The following CHST9 variants were observed in gnomAD, a reference collection of about 807,000 sequenced individuals.
CHST9 encodes carbohydrate sulfotransferase 9.
In CHST9, 41 loss-of-function variants were observed where a neutral mutation model predicts 44.4. The observed-to-expected ratio is 0.92, with a 90% CI of 0.72 to 1.20. CHST9 has a LOEUF of 1.20. Ranked by LOEUF, CHST9 falls within the 50% of genes most tolerant of loss-of-function variation. CHST9 has a pLI of 0.00. For missense variants in CHST9, 504 were observed against 516.5 expected, an observed-to-expected ratio of 0.98 and a Z score of 0.23; for synonymous variants, 171 against 178.4, an observed-to-expected ratio of 0.96 and a Z score of 0.33.
intron 2 of CHST9, among the ~76,000 whole-genome samples, chr18:27,073,283 A>G (rs2057861526): frequency 6.6e-6 from 1 of 151,690 alleles, no homozygotes; most frequent in African/African-American, 2.4e-5. Context: ...ATCCTGTTGG[A>G]ATGCTGGCCT....
chr18:26,938,108 T>C (rs1367981808), intron 5 of CHST9, among the ~76,000 whole-genome samples: 1 of 152,198 alleles, frequency 6.6e-6, no homozygotes, highest in Non-Finnish European at 1.5e-5. Context: ...GTGGTCATGC[T>C]TTTAAAACAT....
intron 4 of CHST9, among the ~76,000 whole-genome samples, chr18:27,018,198 T>C (rs1311823525): frequency 1.3e-5 from 2 of 152,162 alleles, no homozygotes; most frequent in Non-Finnish European, 1.5e-5. Context: ...TTGAGTGTTG[T>C]CATGATGGAA....
At chr18:27,154,377 G>A (rs1166986019) in intron 1 of CHST9, among the ~76,000 whole-genome samples, 4 of 152,018 alleles carry the variant, frequency 2.6e-5, no homozygotes, top group African/African-American at 9.7e-5. Context: ...GAGGTAAGAG[G>A]TATGGGTGGA....
intron 4 of CHST9, among the ~76,000 whole-genome samples, chr18:26,978,599 G>A (rs1469782066): frequency 6.6e-6 from 1 of 152,146 alleles, no homozygotes; most frequent in Non-Finnish European, 1.5e-5. Flanking sequence ...GTGATGCAGA[G>A]GGATAAACAC....
chr18:27,075,424 C>T (rs771491100), intron 2 of CHST9, among the ~76,000 whole-genome samples: 1 of 152,154 alleles, frequency 6.6e-6, no homozygotes, highest in Non-Finnish European at 1.5e-5. Context: ...AAATTCTAGG[C>T]TGCCAACTGG....
chr18:27,052,268 G>GCA, intron 2 of CHST9, among the ~76,000 whole-genome samples: 1 of 122,868 alleles, frequency 8.1e-6, no homozygotes, highest in Admixed American at 8.1e-5. Flanking sequence ...ATATATATGT[G>GCA]TATATATATG....
intron 5 of CHST9, among the ~76,000 whole-genome samples, chr18:26,919,732 C>T (rs1327920969): frequency 6.6e-6 from 1 of 152,088 alleles, no homozygotes; most frequent in Admixed American, 6.6e-5. Flanking sequence ...CCTGTGGCCT[C>T]TGGACTTTCT....
At position 26,909,578 on chromosome 18, in the gene CHST9, G is replaced by A. The variant is rs1598541725; in HGVS notation, c.*6681C>T. On this transcript the variant is annotated 3_prime_UTR_variant, in exon 6 of 6. Transcript: ENST00000618847. ...GTTGGTAGACACTCTAGCATTCTGA[G>A]TGCATTTTTATTTATTATATAGTAC... is the stretch of plus-strand genomic sequence containing the variant. 4 of 152,126 alleles carry A rather than the reference G, an allele frequency of 2.6e-5. No individual in the cohort carries two copies. In the East Asian group the frequency reaches 7.7e-4, roughly 29 times the overall value. 9.4% of individuals were successfully genotyped at this position (152,126 alleles called of 1,614,324 possible).
intron 3 of CHST9, among the ~76,000 whole-genome samples, chr18:27,030,608 G>A (rs906357614): frequency 3.9e-5 from 6 of 152,322 alleles, no homozygotes; most frequent in African/African-American, 9.6e-5. Flanking sequence ...GTGCACTGCC[G>A]GCTGCCGGGT....
At chr18:26,931,554 T>G (rs1023413202) in intron 5 of CHST9, among the ~76,000 whole-genome samples, 1 of 152,370 alleles carries the variant, frequency 6.6e-6, no homozygotes. Context: ...CTGTGACTCA[T>G]GACCATATTT....
chr18:26,950,083 T>C (rs1163101603), intron 4 of CHST9, among the ~76,000 whole-genome samples: 2 of 152,176 alleles, frequency 1.3e-5, no homozygotes, highest in Non-Finnish European at 2.9e-5. Flanking sequence ...GAGTTTTTGG[T>C]GATTTGTTAC....
In CHST9 at chr18:26,917,360, TAAA is replaced by T; in HGVS notation, c.241-13_241-11del. On this transcript the variant is annotated splice_polypyrimidine_tract_variant and intron_variant, in intron 5 of 5. Transcript: ENST00000618847. ...TGTGAAACTTGGGGTTCTGTTAAAA[TAAA>T]GAAGGAGAAATGTTGAAAGCACAGT... is the stretch of plus-strand genomic sequence containing the variant. The T allele has an allele frequency of 6.2e-7, 1 of 1,603,678 alleles. No homozygotes were observed. Among genetic ancestry groups the T allele is most frequent in the African/African-American group, 1.3e-5 (1 of 74,420 alleles).
chr18:27,172,131 T>A (rs936173388), intron 1 of CHST9, among the ~76,000 whole-genome samples: 1 of 152,154 alleles, frequency 6.6e-6, no homozygotes, highest in Non-Finnish European at 1.5e-5. Context: ...TATTTGTATA[T>A]TCAATAAACT....
At chr18:27,070,174 C>A (rs908596253) in intron 2 of CHST9, among the ~76,000 whole-genome samples, 1 of 152,090 alleles carries the variant, frequency 6.6e-6, no homozygotes, top group African/African-American at 2.4e-5. Flanking sequence ...ACTATCTGCC[C>A]TAAGTTTGAC....
intron 2 of CHST9, among the ~76,000 whole-genome samples, chr18:27,114,604 G>T (rs2058303701): frequency 6.6e-6 from 1 of 152,172 alleles, no homozygotes. Flanking sequence ...GAACTCTATA[G>T]ATATTAGCAG....
Position 26,907,130 on chromosome 18 carries a change from CAGG to C in CHST9, c.*9126_*9128del, listed in dbSNP as rs1568083508. 2.6e-5 allele frequency: 4 copies of C among 152,310 alleles called. No individual in the cohort carries two copies. Among genetic ancestry groups the C allele is most frequent in the African/African-American group, 9.7e-5 (4 of 41,424 alleles). The allele number at this position is 152,310 out of a possible 1,614,324, so 9.4% of individuals were successfully genotyped here. On this transcript the variant is annotated 3_prime_UTR_variant, in exon 6 of 6. Coordinates refer to ENST00000618847, the MANE Select transcript of CHST9 (RefSeq NM_031422.6). ...TTCAAGATTATCGTAGAGTTGTAGA[CAGG>C]AGAAGGTGAGAGTCTGAACTTAGAT...
chr18:27,027,567 GAAT>G (rs904801228), intron 3 of CHST9, among the ~76,000 whole-genome samples: 24 of 152,104 alleles, frequency 1.6e-4, no homozygotes, highest in Non-Finnish European at 3.2e-4. Context: ...ATTATTAAAT[GAAT>G]AATAACCACA....
At chr18:27,035,837 T>G (rs1264459621) in intron 3 of CHST9, among the ~76,000 whole-genome samples, 2 of 152,108 alleles carry the variant, frequency 1.3e-5, no homozygotes, top group Non-Finnish European at 2.9e-5. Flanking sequence ...CACTGTATTG[T>G]AAAATTTAAA....
chr18:27,094,329 ATTTG>A (rs2058096473), intron 2 of CHST9, among the ~76,000 whole-genome samples: 1 of 152,180 alleles, frequency 6.6e-6, no homozygotes, highest in Non-Finnish European at 1.5e-5. Flanking sequence ...CTTAACTCTC[ATTTG>A]TTTATTGTTG....
Sources: gnomAD v4.1 joint callset for allele counts (sites outside exome capture counted in the v4.1 genomes callset) on GRCh38, gnomAD v4.1.1 for gene constraint, MANE v1.5 for transcripts, NCBI Gene and HGNC (gene_info 2026-07-23, HGNC 2026-07-21) for gene names.